Variants in RPA1 observed in about 807,000 individuals in gnomAD.
RPA1 encodes the protein replication protein A1, also known as replication protein A 70 kDa DNA-binding subunit.
Under a neutral mutation model 83.0 loss-of-function variants are expected in RPA1, and 49 were observed. That is an observed-to-expected ratio of 0.59 (90% CI 0.47 to 0.75). RPA1 has a LOEUF of 0.75. RPA1 is among the 30% of genes least tolerant of loss of function. RPA1 has a pLI of 0.00. For synonymous variants in RPA1, 279 were observed against 281.8 expected (o/e 0.99, Z 0.10); for missense variants, 693 against 776.1 (o/e 0.89, Z 1.27).
intron 1 of RPA1, among the ~76,000 whole-genome samples, chr17:1,832,027 C>G (rs1431195538): frequency 2.0e-5 from 3 of 149,480 alleles, no homozygotes; most frequent in Admixed American, 6.8e-5. Flanking sequence ...CTTCTGGGTT[C>G]AGGCAGTTCT....
chr17:1,867,436 G>A (rs531934034), intron 5 of RPA1, among the ~76,000 whole-genome samples: 6 of 152,292 alleles, frequency 3.9e-5, no homozygotes, highest in Non-Finnish European at 8.8e-5. Context: ...GCTGGGCTCA[G>A]TGGCTCATAC....
chr17:1,875,519 A>G, intron 6 of RPA1, 142 bp from the exon 7 acceptor site: 4 of 869,716 alleles, frequency 4.6e-6, no homozygotes, highest in Non-Finnish European at 6.8e-6. Context: ...TATCTCTTGC[A>G]TATAAAAAGG....
intron 8 of RPA1, 144 bp downstream of exon 8, chr17:1,877,458 T>A (rs1202757859): frequency 1.5e-6 from 1 of 677,646 alleles, no homozygotes; most frequent in Non-Finnish European, 2.6e-6. Flanking sequence ...AACAGAAGGC[T>A]CAGCTCTGCG....
chr17:1,897,354 T>C lies in RPA1; in HGVS notation c.*179T>C. 1 of 578,086 alleles carries C rather than the reference T, an allele frequency of 1.7e-6. No individual in the cohort carries two copies. Among genetic ancestry groups the C allele is most frequent in the Non-Finnish European group, 3.1e-6 (1 of 326,914 alleles). 35.8% of individuals were successfully genotyped at this position (578,086 alleles called of 1,614,324 possible). A position where few individuals can be genotyped will look rare whatever the true frequency, so the allele number is the denominator to read the frequency against. ...CATCGGTAGGCAAAGGAAAATACGC[T>C]CAGGTGGTTGTGGTGTAGACTGTGT... On this transcript the variant is annotated 3_prime_UTR_variant, in exon 17 of 17. Transcript: ENST00000254719.
intron 1 of RPA1, among the ~76,000 whole-genome samples, chr17:1,833,433 C>T (rs1888382963): frequency 6.6e-6 from 1 of 152,186 alleles, no homozygotes; most frequent in Admixed American, 6.5e-5. Flanking sequence ...ACAGGAAGAA[C>T]TATTGTTGGA....
intron 5 of RPA1, among the ~76,000 whole-genome samples, chr17:1,862,078 G>C (rs996116080): frequency 1.3e-5 from 2 of 150,916 alleles, no homozygotes; most frequent in African/African-American, 4.9e-5. Context: ...ATTTTCAGTA[G>C]AGACGGGGTT....
chr17:1,832,924 G>C (rs968004801), intron 1 of RPA1, among the ~76,000 whole-genome samples: 2 of 148,732 alleles, frequency 1.3e-5, no homozygotes, highest in African/African-American at 5.2e-5. Flanking sequence ...AAATTATTGT[G>C]TTTGTTTGTT....
chr17:1,833,267 G>C (rs1911689589), intron 1 of RPA1, among the ~76,000 whole-genome samples: 1 of 152,108 alleles, frequency 6.6e-6, no homozygotes, highest in Non-Finnish European at 1.5e-5. Flanking sequence ...ATCATGTCTG[G>C]GTTATTTTAC....
chr17:1,879,044 C>G lies in RPA1; in HGVS notation c.742C>G (p.Leu248Val), dbSNP rs949393682. 3 of 1,614,070 alleles carry G rather than the reference C, an allele frequency of 1.9e-6. No individual in the cohort carries two copies. Among genetic ancestry groups the G allele is most frequent in the Non-Finnish European group, 2.5e-6 (3 of 1,180,042 alleles). Reference sequence around the variant, plus strand: ...TGAGCAAGTGGACAAGTTCTTTCCTCTTATTGAAGTGAACAAGGTATGGCC... The same window carrying G: ...TGAGCAAGTGGACAAGTTCTTTCCTGTTATTGAAGTGAACAAGGTATGGCC... The part of the protein sequence containing the change: ...FNEQVDKFFP[L>V]IEVNKVYYFS... Residue 248 changes from leucine (L) to valine (V), a missense_variant, in exon 9 of 17, where the codon CTT becomes GTT. Physicochemically the swap from Leu to Val is conservative, Grantham distance 32. Transcript: ENST00000254719.
chr17:1,849,509 A>G (rs1177924979), intron 4 of RPA1, among the ~76,000 whole-genome samples: 9 of 151,086 alleles, frequency 6.0e-5, no homozygotes, highest in South Asian at 2.1e-4. Context: ...AGCCAGGATG[A>G]TCTCGATCTC....
chr17:1,895,903 C>T (rs536946905), intron 16 of RPA1, among the ~76,000 whole-genome samples: 95 of 151,990 alleles, frequency 6.3e-4, no homozygotes, highest in South Asian at 6.2e-4. Context: ...AGGCTGGTCT[C>T]GAACTCCTGA....
intron 15 of RPA1, among the ~76,000 whole-genome samples, 193 bp from the exon 16 acceptor site, chr17:1,894,816 T>C (rs1597463660): frequency 6.6e-6 from 1 of 152,210 alleles, no homozygotes; most frequent in East Asian, 1.9e-4. Context: ...TCTATGAATG[T>C]GATTAGTGTT....
intron 15 of RPA1, among the ~76,000 whole-genome samples, chr17:1,893,030 T>G (rs1269593706): frequency 6.6e-6 from 1 of 152,246 alleles, no homozygotes; most frequent in South Asian, 2.1e-4. Context: ...CTTTGCCATT[T>G]GTTCTGGTGT....
intron 4 of RPA1, among the ~76,000 whole-genome samples, chr17:1,845,528 G>C (rs559881312): frequency 6.6e-6 from 1 of 152,088 alleles, no homozygotes; most frequent in Admixed American, 6.6e-5. Flanking sequence ...ACAGCAAGAG[G>C]CCATCTCTAA....
intron 15 of RPA1, among the ~76,000 whole-genome samples, chr17:1,894,192 A>C (rs1305198193): frequency 1.4e-5 from 2 of 147,542 alleles, no homozygotes; most frequent in African/African-American, 2.5e-5. Flanking sequence ...TTTTTTTGAG[A>C]GTCTCGCTCC....
intron 6 of RPA1, among the ~76,000 whole-genome samples, chr17:1,873,634 G>A (rs961936323): frequency 2.0e-5 from 3 of 151,990 alleles, no homozygotes; most frequent in Non-Finnish European, 2.9e-5. Flanking sequence ...GCTCTTGCAC[G>A]TTCTCTCTCT....
intron 5 of RPA1, among the ~76,000 whole-genome samples, chr17:1,866,914 A>G (rs1913196553): frequency 6.6e-6 from 1 of 152,188 alleles, no homozygotes; most frequent in Non-Finnish European, 1.5e-5. Context: ...GTCGTTTCTA[A>G]TGAGAGATGT....
At chr17:1,840,874 C>G (rs1020218272) in intron 1 of RPA1, among the ~76,000 whole-genome samples, 4 of 152,024 alleles carry the variant, frequency 2.6e-5, no homozygotes, top group African/African-American at 9.7e-5. Context: ...TGAGACCAGC[C>G]TGGCCAACGT....
chr17:1,838,677 C>T (rs541414900), intron 1 of RPA1, among the ~76,000 whole-genome samples: 2 of 151,718 alleles, frequency 1.3e-5, no homozygotes, highest in East Asian at 1.9e-4. Context: ...TGTTTTCTTC[C>T]AGAAGTTTTA....
Sources: allele counts gnomAD v4.1 joint callset (sites outside exome capture counted in the v4.1 genomes callset), GRCh38; gene constraint gnomAD v4.1.1; transcripts MANE v1.5; gene names NCBI Gene and HGNC (gene_info 2026-07-23, HGNC 2026-07-21).